The following ASTN2 variants were observed in gnomAD, a reference collection of about 807,000 sequenced individuals.
ASTN2 encodes the protein astrotactin 2.
A neutral mutation model predicts 139.8 loss-of-function variants in ASTN2; 54 were observed. That is an observed-to-expected ratio of 0.39 (90% CI 0.31 to 0.48). ASTN2 has a LOEUF of 0.48. Among genes scored for constraint, ASTN2 ranks in the 20% least tolerant of loss-of-function variants. ASTN2 has a pLI of 0.95. For missense variants in ASTN2, 1,565 were observed against 1,725.1 expected (o/e 0.91, Z 1.64); for synonymous variants, 756 against 719.5 (o/e 1.05, Z -0.81).
chr9:117,000,302 G>T (rs1837158587), intron 7 of ASTN2, among the ~76,000 whole-genome samples: 1 of 152,212 alleles, frequency 6.6e-6, no homozygotes, highest in African/African-American at 2.4e-5. Flanking sequence ...AAACAGAGAA[G>T]AGAGAATTTA....
At chr9:117,203,826 A>G (rs1038707204) in intron 3 of ASTN2, among the ~76,000 whole-genome samples, 1 of 152,178 alleles carries the variant, frequency 6.6e-6, no homozygotes, top group African/African-American at 2.4e-5. Flanking sequence ...GGAGGGCCTC[A>G]TCCAGTTGGA....
intron 19 of ASTN2, among the ~76,000 whole-genome samples, chr9:116,524,593 C>T (rs985471843): frequency 6.6e-6 from 1 of 152,182 alleles, no homozygotes; most frequent in African/African-American, 2.4e-5. Context: ...CAGTTTCCTT[C>T]CCTGCCCAAA....
At chr9:117,071,295 T>TG (rs890906356) in intron 5 of ASTN2, among the ~76,000 whole-genome samples, 2 of 150,938 alleles carry the variant, frequency 1.3e-5, no homozygotes, top group African/African-American at 2.4e-5. Flanking sequence ...GTGCCCCTGC[T>TG]GGGGGGTGCC....
chr9:117,405,730 A>G (rs1830964787), intron 1 of ASTN2, among the ~76,000 whole-genome samples: 1 of 152,194 alleles, frequency 6.6e-6, no homozygotes, highest in South Asian at 2.1e-4. Flanking sequence ...ATATTTGATA[A>G]TCCTGGAACC....
chr9:116,862,010 T>C (rs1179259662), intron 11 of ASTN2, among the ~76,000 whole-genome samples: 1 of 151,386 alleles, frequency 6.6e-6, no homozygotes, highest in South Asian at 2.1e-4. Flanking sequence ...AGTTTGAGTT[T>C]AGTTTCTATC....
At chr9:116,435,665 C>G (rs907421537) in intron 22 of ASTN2, among the ~76,000 whole-genome samples, 2 of 152,152 alleles carry the variant, frequency 1.3e-5, no homozygotes, top group East Asian at 1.9e-4. Context: ...CCTGGAGGAC[C>G]CTTCTTCATT....
intron 4 of ASTN2, among the ~76,000 whole-genome samples, chr9:117,104,039 G>T (rs1263513900): frequency 6.6e-6 from 1 of 152,188 alleles, no homozygotes; most frequent in Admixed American, 6.5e-5. Flanking sequence ...GGCCAGGAGA[G>T]GTGGAGCTCC....
At chr9:116,838,406 C>T (rs1832084209) in intron 11 of ASTN2, among the ~76,000 whole-genome samples, 1 of 151,110 alleles carries the variant, frequency 6.6e-6, no homozygotes, top group African/African-American at 2.4e-5. Context: ...GCACCGCACC[C>T]AGCCAAAAAT....
chr9:117,339,637 C>T (rs551744544), intron 1 of ASTN2, among the ~76,000 whole-genome samples: 4 of 152,242 alleles, frequency 2.6e-5, no homozygotes, highest in South Asian at 2.1e-4. Context: ...ATTTTTCATA[C>T]GATTAATGTC....
chr9:117,271,205 T>C (rs1359796843), intron 2 of ASTN2, among the ~76,000 whole-genome samples: 1 of 151,816 alleles, frequency 6.6e-6, no homozygotes, highest in African/African-American at 2.4e-5. Flanking sequence ...TGATGGAGGG[T>C]GAAAGGCTCT....
intron 13 of ASTN2, among the ~76,000 whole-genome samples, chr9:116,745,568 A>T (rs1829212542): frequency 6.6e-6 from 1 of 152,106 alleles, no homozygotes; most frequent in Non-Finnish European, 1.5e-5. Context: ...CTCAGATTCA[A>T]TGGTCAATGC....
chr9:116,599,329 C>T (rs1854747783), intron 19 of ASTN2, among the ~76,000 whole-genome samples: 1 of 152,180 alleles, frequency 6.6e-6, no homozygotes. Context: ...TATGTAGCCA[C>T]TGGTTTGCTA....
chr9:116,857,427 G>C (rs573545195), intron 11 of ASTN2, among the ~76,000 whole-genome samples: 1 of 152,290 alleles, frequency 6.6e-6, no homozygotes, highest in African/African-American at 2.4e-5. Flanking sequence ...GCTGAAGTCT[G>C]TCTTGTCTTC....
At chr9:116,661,063 G>A (rs1350200636) in intron 16 of ASTN2, among the ~76,000 whole-genome samples, 3 of 152,146 alleles carry the variant, frequency 2.0e-5, no homozygotes, top group Non-Finnish European at 4.4e-5. Flanking sequence ...TCTGAGGCAG[G>A]TCATACTCTC....
In ASTN2 at chr9:117,184,312, C is replaced by T. The variant is rs139336104; in HGVS notation, c.1015+30046G>A. On this transcript the variant is annotated intron_variant, in intron 3 of 22. Transcript: ENST00000313400. ...TAGCTGGAGCTGTGCCGAGCCAAAGCAGGCAGACTGTCTGTCCATGGGGCG... is the reference window on the plus strand; with the variant it reads ...TAGCTGGAGCTGTGCCGAGCCAAAGTAGGCAGACTGTCTGTCCATGGGGCG... Among the ~76,000 whole-genome samples, 5 of 152,344 alleles carry T rather than the reference C, an allele frequency of 3.3e-5. No homozygotes were observed. The East Asian group carries it at 9.7e-4, about 29-fold the overall frequency.
Position 117,414,388 on chromosome 9 carries a change from C to T in ASTN2, c.442+109G>A, listed in dbSNP as rs1455588449. On this transcript the variant is annotated intron_variant, in intron 1 of 22. Coordinates refer to ENST00000313400, the MANE Select transcript of ASTN2 (RefSeq NM_001365068.1). The surrounding 1 kb of genome is among the most constrained non-coding windows in gnomAD (Gnocchi z 4.2). ...CCCCTCCTCTACCCTCTGCCAACCC[C>T]ACTCGGGGCAGCCCCGGGCAGGGAT... 1.3e-6 allele frequency: 2 copies of T among 1,508,556 alleles called. No individual in the cohort carries two copies. The highest frequency in any genetic ancestry group is 1.4e-5 in the African/African-American group (1 of 69,270). 93.4% of individuals were successfully genotyped at this position (1,508,556 alleles called of 1,614,324 possible). A position where few individuals can be genotyped will look rare whatever the true frequency, so the allele number is the denominator to read the frequency against.
chr9:117,006,988 G>C (rs1387678717), intron 7 of ASTN2, among the ~76,000 whole-genome samples: 1 of 152,034 alleles, frequency 6.6e-6, no homozygotes, highest in Non-Finnish European at 1.5e-5. Flanking sequence ...GTGGTGATGC[G>C]TGCCTGTAAT....
chr9:116,728,874 T>G, intron 15 of ASTN2, 118 bp downstream of exon 15: 1 of 793,994 alleles, frequency 1.3e-6, no homozygotes, highest in Non-Finnish European at 2.0e-6. Context: ...GCAGAGAGGA[T>G]GCATCCTCAT....
At chr9:117,099,537 G>A (rs1256518126) in intron 4 of ASTN2, among the ~76,000 whole-genome samples, 6 of 152,162 alleles carry the variant, frequency 3.9e-5, no homozygotes, top group South Asian at 2.1e-4. Context: ...TAAGAAAAGC[G>A]AACACTTGCA....
Sources: allele counts gnomAD v4.1 joint callset (sites outside exome capture counted in the v4.1 genomes callset), GRCh38; gene constraint gnomAD v4.1.1; non-coding constraint Gnocchi (gnomAD v3.1); transcripts MANE v1.5; gene names NCBI Gene and HGNC (gene_info 2026-07-23, HGNC 2026-07-21).